Variants in ENPP6 observed in about 807,000 individuals in gnomAD.
ENPP6 encodes the protein glycerophosphocholine cholinephosphodiesterase ENPP6.
A neutral mutation model predicts 42.0 loss-of-function variants in ENPP6; 32 were observed. That is an observed-to-expected ratio of 0.76 (90% confidence interval 0.58 to 1.02). The LOEUF is 1.02. Ranked by LOEUF, ENPP6 falls within the 50% of genes least tolerant of loss-of-function variation. The probability of loss-of-function intolerance (pLI) is 0.00; values close to 1 mark genes in which losing one functional copy is unlikely to be tolerated. For synonymous variants in ENPP6, 213 were observed against 216.0 expected, an observed-to-expected ratio of 0.99 and a Z score of 0.12; for missense variants, 552 against 566.8, an observed-to-expected ratio of 0.97 and a Z score of 0.27.
At chr4:184,156,042 GAGAC>G (rs1337741390) in intron 1 of ENPP6, among the ~76,000 whole-genome samples, 1 of 152,230 alleles carries the variant, frequency 6.6e-6, no homozygotes, top group Non-Finnish European at 1.5e-5. Flanking sequence ...GAGACAGAGA[GAGAC>G]AGAGAGAGAG....
rs569658439 is a variant in ENPP6, at chr4:184,089,051, T to C, written c.*2126A>G. 2.6e-5 allele frequency: 4 copies of C among 152,302 alleles called. No homozygotes were observed. Among genetic ancestry groups the C allele is most frequent in the Admixed American group, 1.3e-4 (2 of 15,304 alleles). 9.4% of individuals were successfully genotyped at this position (152,302 alleles called of 1,614,324 possible). A position where few individuals can be genotyped will look rare whatever the true frequency, so the allele number is the denominator to read the frequency against. ...AGGAAAGTGGGCTCTACTGAATTCATTGGAACACCGTCCTTTAAGGAGAAA... is the reference window on the plus strand; with the variant it reads ...AGGAAAGTGGGCTCTACTGAATTCACTGGAACACCGTCCTTTAAGGAGAAA... On this transcript the variant is annotated 3_prime_UTR_variant, in exon 8 of 8. Coordinates refer to ENST00000296741, the MANE Select transcript of ENPP6 (RefSeq NM_153343.4).
rs80126705 is a variant in ENPP6, at chr4:184,119,374, A to T, written c.534-1474T>A. On this transcript the variant is annotated intron_variant, in intron 3 of 7. Coordinates refer to ENST00000296741, the MANE Select transcript of ENPP6 (RefSeq NM_153343.4). ...GTGTGTGTGTGTGTGTGTCTCATTT[A>T]CTCCTTATAAGCAACTTTGTCATGC... Among the ~76,000 whole-genome samples, 1,452 of 146,116 alleles carry T rather than the reference A, an allele frequency of 9.9e-3. 20 individuals are homozygous for T. Among genetic ancestry groups the T allele is most frequent in the South Asian group, 0.04 (181 of 4,576 alleles).
At chr4:184,092,620 A>G (rs1212875078) in intron 7 of ENPP6, among the ~76,000 whole-genome samples, 3 of 152,230 alleles carry the variant, frequency 2.0e-5, no homozygotes, top group African/African-American at 7.2e-5. Flanking sequence ...TAAAGAGTGA[A>G]TGTAAGATTT....
At chr4:184,093,183 T>C (rs1735837373) in intron 7 of ENPP6, among the ~76,000 whole-genome samples, 1 of 152,194 alleles carries the variant, frequency 6.6e-6, no homozygotes, top group South Asian at 2.1e-4. Context: ...ACACTGTGTA[T>C]ACCCAGTAAA....
intron 1 of ENPP6, among the ~76,000 whole-genome samples, chr4:184,201,062 G>A (rs1230173402): frequency 1.3e-5 from 2 of 152,122 alleles, no homozygotes; most frequent in Non-Finnish European, 2.9e-5. Context: ...GCTGATGATG[G>A]GAGTCGGTTC....
chr4:184,109,212 A>G lies in ENPP6; in HGVS notation c.993+3460T>C, dbSNP rs193237296. Among the ~76,000 whole-genome samples the G allele has an allele frequency of 8.6e-3, 1,282 of 149,698 alleles. 20 individuals are homozygous for G. The highest frequency in any genetic ancestry group is 0.03 in the African/African-American group (1,211 of 40,356). ...GGTGACAGAGGGAGACTCCATCTCA[A>G]AAACAAAACAACAACAACAACAAAA... On this transcript the variant is annotated intron_variant, in intron 6 of 7. Transcript: ENST00000296741.
chr4:184,204,329 G>A (rs985962755), intron 1 of ENPP6, among the ~76,000 whole-genome samples: 8 of 152,152 alleles, frequency 5.3e-5, no homozygotes, highest in Non-Finnish European at 1.0e-4. Flanking sequence ...AGCTCCTTGC[G>A]ATGCTGGCAT....
chr4:184,192,278 A>C (rs1732721999), intron 1 of ENPP6, among the ~76,000 whole-genome samples: 1 of 152,266 alleles, frequency 6.6e-6, no homozygotes, highest in Admixed American at 6.5e-5. Flanking sequence ...GGATACACCT[A>C]AACATCAAGA....
intron 2 of ENPP6, among the ~76,000 whole-genome samples, chr4:184,130,281 G>A (rs370711413): frequency 3.0e-4 from 45 of 152,008 alleles, no homozygotes; most frequent in Non-Finnish European, 3.4e-4. Flanking sequence ...GGTTTTGGCC[G>A]GGCGCGGTGG....
intron 1 of ENPP6, chr4:184,217,025 G>C (rs924798429): frequency 1.3e-5 from 2 of 152,050 alleles, no homozygotes; most frequent in Non-Finnish European, 2.9e-5. Flanking sequence ...GGCAAAAGAA[G>C]GGGAAGGTGG....
intron 2 of ENPP6, among the ~76,000 whole-genome samples, chr4:184,136,586 T>C (rs1160362035): frequency 6.6e-6 from 1 of 152,234 alleles, no homozygotes; most frequent in African/African-American, 2.4e-5. Flanking sequence ...TACTATGCTA[T>C]CATTTTTGAA....
Position 184,131,250 on chromosome 4 carries a change from TTC to T in ENPP6, c.422-6980_422-6979del, listed in dbSNP as rs1176212123. Among the ~76,000 whole-genome samples the T allele has an allele frequency of 1.6e-3, 94 of 59,030 alleles. 2 individuals carry two copies. The highest frequency in any genetic ancestry group is 7.6e-3 in the Middle Eastern group (1 of 132). The allele number at this position is 59,030 out of a possible 152,430, so 38.7% of individuals were successfully genotyped here. On this transcript the variant is annotated intron_variant, in intron 2 of 7. Coordinates refer to ENST00000296741, the MANE Select transcript of ENPP6 (RefSeq NM_153343.4). ...TCTTTCTTTCCTTTTCTTTCTTTCT[TTC>T]TCTTTCTCTTCCTTCCTTCCTTCCT... is the stretch of plus-strand genomic sequence containing the variant.
In ENPP6 at chr4:184,131,311, T is replaced by TTCCTTC. The variant is rs1560987574; in HGVS notation, c.422-7040_422-7039insGAAGGA. 4.1e-5 allele frequency among the ~76,000 whole-genome samples: 4 copies of TTCCTTC among 96,980 alleles called. No homozygotes were observed. The Admixed American group carries it at 5.3e-4, about 13-fold the overall frequency. 63.6% of individuals were successfully genotyped at this position (96,980 alleles called of 152,430 possible). The stretch of plus-strand genomic sequence containing the variant: ...TCCTTCCTTCCTTCCTTCCTTCCTT[T>TTCCTTC]CTCTCTCCTCTCTCTCTTTCTTCTT... On this transcript the variant is annotated intron_variant, in intron 2 of 7. Transcript: ENST00000296741.
chr4:184,208,913 A>C (rs542821451), intron 1 of ENPP6, among the ~76,000 whole-genome samples: 1 of 144,588 alleles, frequency 6.9e-6, no homozygotes, highest in Non-Finnish European at 1.5e-5. Context: ...TGCCTCCTCA[A>C]GTGGGTCCCT....
At chr4:184,150,581 AAAGG>A (rs1485873116) in intron 2 of ENPP6, among the ~76,000 whole-genome samples, 7 of 152,234 alleles carry the variant, frequency 4.6e-5, no homozygotes, top group Non-Finnish European at 1.0e-4. Flanking sequence ...GTAGACAGAG[AAAGG>A]ATAGCAGCAA....
chr4:184,134,403 G>T (rs1736695041), intron 2 of ENPP6, among the ~76,000 whole-genome samples: 1 of 152,150 alleles, frequency 6.6e-6, no homozygotes, highest in African/African-American at 2.4e-5. Context: ...GGTTTTTAAA[G>T]ACTTAATTTT....
intron 6 of ENPP6, among the ~76,000 whole-genome samples, chr4:184,099,328 T>G (rs545852816): frequency 9.9e-5 from 15 of 152,270 alleles, no homozygotes; most frequent in South Asian, 6.2e-4. Context: ...GTTGGTGCAG[T>G]TAGGTGGGTT....
intron 2 of ENPP6, among the ~76,000 whole-genome samples, chr4:184,134,594 T>A (rs1736700332): frequency 6.6e-6 from 1 of 152,130 alleles, no homozygotes; most frequent in Non-Finnish European, 1.5e-5. Context: ...TTCATTTTAT[T>A]ATTGGCTATT....
At chr4:184,134,919 C>T (rs1323825234) in intron 2 of ENPP6, among the ~76,000 whole-genome samples, 2 of 151,318 alleles carry the variant, frequency 1.3e-5, no homozygotes, top group Non-Finnish European at 1.5e-5. Context: ...TTTTACTATA[C>T]CTCAGTTCAA....
Sources: gnomAD v4.1 joint callset for allele counts (sites outside exome capture counted in the v4.1 genomes callset) on GRCh38, gnomAD v4.1.1 for gene constraint, MANE v1.5 for transcripts, NCBI Gene and HGNC (gene_info 2026-07-23, HGNC 2026-07-21) for gene names.